The following EYA2 variants were observed in gnomAD, a reference collection of about 807,000 sequenced individuals.
The protein encoded by EYA2 is protein phosphatase EYA2.
A neutral mutation model predicts 69.2 loss-of-function variants in EYA2; 31 were observed. That is an observed-to-expected ratio of 0.45 (90% confidence interval 0.34 to 0.60). The LOEUF (loss-of-function observed/expected upper bound fraction) is 0.60, where lower values mean the gene tolerates loss of function less well. Among genes scored for constraint, EYA2 ranks in the 20% least tolerant of loss-of-function variants. EYA2 has a pLI of 0.02. For synonymous variants in EYA2, 257 were observed against 279.4 expected (o/e 0.92, Z 0.80); for missense variants, 622 against 701.2 (o/e 0.89, Z 1.28).
At chr20:47,150,835 C>T (rs2033808328) in intron 10 of EYA2, among the ~76,000 whole-genome samples, 1 of 151,994 alleles carries the variant, frequency 6.6e-6, no homozygotes, top group African/African-American at 2.4e-5. Flanking sequence ...GCAGTTCTCT[C>T]TTCTGCTCAC....
chr20:46,931,776 G>A (rs1228625704), intron 1 of EYA2, among the ~76,000 whole-genome samples: 2 of 152,106 alleles, frequency 1.3e-5, no homozygotes, highest in East Asian at 3.8e-4. Flanking sequence ...TGACCACTGA[G>A]CAATCCCCTC....
At chr20:46,938,869 T>C (rs1183700835) in intron 1 of EYA2, among the ~76,000 whole-genome samples, 11 of 152,072 alleles carry the variant, frequency 7.2e-5, no homozygotes, top group Non-Finnish European at 1.2e-4. Flanking sequence ...CACAGTGTGT[T>C]TCTCTGAATG....
At chr20:47,140,741 G>T (rs2033576882) in intron 9 of EYA2, among the ~76,000 whole-genome samples, 1 of 152,130 alleles carries the variant, frequency 6.6e-6, no homozygotes, top group South Asian at 2.1e-4. Flanking sequence ...TCCATTTAGT[G>T]TTGCTATAAT....
chr20:46,990,480 G>T (rs375721018), intron 2 of EYA2, among the ~76,000 whole-genome samples: 1 of 152,228 alleles, frequency 6.6e-6, no homozygotes, highest in Non-Finnish European at 1.5e-5. Flanking sequence ...TCTCTACTCT[G>T]CTCTGCCATC....
rs543851584 is a variant in EYA2, at chr20:46,896,329, C to G, written c.-11+1342C>G. Reference sequence around the variant, plus strand: ...GAAATGTCTGTGACCATAATAGATACAGAACTAGTAAGCACCTTACCAGAC... The same window carrying G: ...GAAATGTCTGTGACCATAATAGATAGAGAACTAGTAAGCACCTTACCAGAC... On this transcript the variant is annotated intron_variant, in intron 1 of 15. Coordinates refer to ENST00000327619, the MANE Select transcript of EYA2 (RefSeq NM_005244.5). 2.2e-4 allele frequency among the ~76,000 whole-genome samples: 34 copies of G among 151,546 alleles called. No individual in the cohort carries two copies. In the South Asian group the frequency reaches 4.6e-3, roughly 20 times the overall value.
At chr20:47,098,133 T>G (rs2032307150) in intron 9 of EYA2, among the ~76,000 whole-genome samples, 2 of 152,212 alleles carry the variant, frequency 1.3e-5, no homozygotes, top group South Asian at 4.1e-4. Context: ...CATTATGTTG[T>G]AAAGAATATA....
rs1242029965 is a variant in EYA2, at chr20:46,987,939, T to A, written c.-10-2062T>A. On this transcript the variant is annotated intron_variant, in intron 1 of 15. Transcript: ENST00000327619. Reference sequence around the variant, plus strand: ...AAGTCTCTCTCTCTCTCTCTCTCTCTCTCTCTCTCTCTCTCTCTCTCTCTC... The same window carrying A: ...AAGTCTCTCTCTCTCTCTCTCTCTCACTCTCTCTCTCTCTCTCTCTCTCTC... Among the ~76,000 whole-genome samples, 14 of 38,448 alleles carry A rather than the reference T, an allele frequency of 3.6e-4. 1 individual carries two copies. The highest frequency in any genetic ancestry group is 1.5e-3 in the African/African-American group (13 of 8,458). The allele number at this position is 38,448 out of a possible 152,430, so 25.2% of individuals were successfully genotyped here.
At chr20:46,933,583 C>T (rs1023041003) in intron 1 of EYA2, among the ~76,000 whole-genome samples, 3 of 152,194 alleles carry the variant, frequency 2.0e-5, no homozygotes, top group African/African-American at 7.2e-5. Context: ...GGAAGCAACT[C>T]TGGACACAGC....
At chr20:46,987,964 C>CTCTCTCTCTCTCTCTCTATATATATA (rs1555809797) in intron 1 of EYA2, among the ~76,000 whole-genome samples, 1 of 11,280 alleles carries the variant, frequency 8.9e-5, no homozygotes, top group Non-Finnish European at 1.7e-4. Flanking sequence ...CTCTCTCTCT[C>CTCTCTCTCTCTCTCTCTATATATATA]TATATATATA....
intron 1 of EYA2, among the ~76,000 whole-genome samples, chr20:46,969,199 T>C (rs1223959130): frequency 1.3e-5 from 2 of 151,524 alleles, no homozygotes; most frequent in African/African-American, 4.9e-5. Context: ...TTTTTTTTTG[T>C]TTTTTGTGTT....
At position 46,906,817 on chromosome 20, in the gene EYA2, T is replaced by TA. The variant is rs1461531619; in HGVS notation, c.-11+11836dup. Among the ~76,000 whole-genome samples, 4 of 152,150 alleles carry TA rather than the reference T, an allele frequency of 2.6e-5. 1 individual carries two copies. The highest frequency in any genetic ancestry group is 4.2e-4 in the South Asian group (2 of 4,818). The stretch of plus-strand genomic sequence containing the variant: ...GACTTCCCTGATTCTTTAACCACCA[T>TA]AAAAAATTAAACTCTTTGACCCTCA... On this transcript the variant is annotated intron_variant, in intron 1 of 15. Transcript: ENST00000327619.
chr20:47,146,294 C>G (rs1036819918), intron 10 of EYA2, among the ~76,000 whole-genome samples: 1 of 152,174 alleles, frequency 6.6e-6, no homozygotes, highest in Non-Finnish European at 1.5e-5. Context: ...AGTAACAACA[C>G]CAGGCATGGA....
intron 1 of EYA2, among the ~76,000 whole-genome samples, chr20:46,910,756 A>G (rs766463180): frequency 2.0e-5 from 3 of 152,220 alleles, no homozygotes; most frequent in Non-Finnish European, 4.4e-5. Flanking sequence ...CACACTGGCA[A>G]TCAAGATGTG....
At chr20:47,033,974 A>T (rs1167793708) in intron 5 of EYA2, among the ~76,000 whole-genome samples, 1 of 152,238 alleles carries the variant, frequency 6.6e-6, no homozygotes, top group East Asian at 1.9e-4. Flanking sequence ...ATTGGGTCAC[A>T]TAGTGAGGAA....
At chr20:47,119,498 A>G (rs143725074) in intron 9 of EYA2, among the ~76,000 whole-genome samples, 4 of 152,364 alleles carry the variant, frequency 2.6e-5, no homozygotes, top group Admixed American at 2.6e-4. Context: ...TCAGCTATGA[A>G]AAGGAATGGG....
At chr20:46,916,297 T>C (rs563917633) in intron 1 of EYA2, among the ~76,000 whole-genome samples, 4 of 152,270 alleles carry the variant, frequency 2.6e-5, no homozygotes, top group Admixed American at 2.6e-4. Flanking sequence ...AAAGTTGAAA[T>C]GGTCTTTAAC....
At chr20:46,996,054 A>G (rs549217810) in intron 2 of EYA2, among the ~76,000 whole-genome samples, 53 of 152,342 alleles carry the variant, frequency 3.5e-4, no homozygotes, top group South Asian at 8.3e-4. Flanking sequence ...CTTTGGAAAG[A>G]ACATCAACAA....
intron 7 of EYA2, among the ~76,000 whole-genome samples, chr20:47,086,725 A>G (rs1231104911): frequency 6.6e-6 from 1 of 152,056 alleles, no homozygotes; most frequent in Non-Finnish European, 1.5e-5. Flanking sequence ...TTGGGCGGGG[A>G]CACAGATCCA....
At chr20:46,920,511 C>T (rs1370076104) in intron 1 of EYA2, among the ~76,000 whole-genome samples, 1 of 152,148 alleles carries the variant, frequency 6.6e-6, no homozygotes, top group African/African-American at 2.4e-5. Flanking sequence ...TGGGTTCTCC[C>T]AGTTTTTTTC....
Sources: allele counts gnomAD v4.1 joint callset (sites outside exome capture counted in the v4.1 genomes callset), GRCh38; gene constraint gnomAD v4.1.1; transcripts MANE v1.5; gene names NCBI Gene and HGNC (gene_info 2026-07-23, HGNC 2026-07-21).